The following STK33 variants were observed in gnomAD, a reference collection of about 807,000 sequenced individuals.
STK33 encodes the protein serine/threonine-protein kinase 33.
Under a neutral mutation model 58.0 loss-of-function variants are expected in STK33, and 52 were observed. The ratio of observed to expected loss-of-function variants is 0.90; its 90% CI spans 0.72 to 1.13. The LOEUF is 1.13. STK33 is among the 50% of genes most tolerant of loss of function. The pLI, the probability that STK33 is intolerant of heterozygous loss-of-function variation, is 0.00. For missense variants in STK33, 630 were observed against 604.2 expected (o/e 1.04, Z -0.45); for synonymous variants, 215 against 200.1 (o/e 1.07, Z -0.63).
the STK33 span, among the ~76,000 whole-genome samples, chr11:8,383,031 C>T: frequency 3.3e-5 from 5 of 152,326 alleles, no homozygotes; most frequent in African/African-American, 1.2e-4. Flanking sequence ...TCCTGGTAAA[C>T]TCAAACTAGA....
chr11:8,503,427 G>C (rs546404671), intron 1 of STK33, among the ~76,000 whole-genome samples: 43 of 152,006 alleles, frequency 2.8e-4, no homozygotes, highest in African/African-American at 8.2e-4. Flanking sequence ...GAGTACACAT[G>C]GACACAAAGA....
chr11:8,574,698 C>A (rs147706490), intron 1 of STK33, among the ~76,000 whole-genome samples: 138 of 152,124 alleles, frequency 9.1e-4, no homozygotes, highest in African/African-American at 3.2e-3. Context: ...AACCTAGAAG[C>A]AAAAATTCTT....
chr11:8,406,509 T>C (rs1265712847), intron 15 of STK33, among the ~76,000 whole-genome samples: 2 of 152,206 alleles, frequency 1.3e-5, no homozygotes, highest in Non-Finnish European at 2.9e-5. Flanking sequence ...ATAAACATGG[T>C]ATATCTCTCC....
chr11:8,488,323 C>A (rs1950331552), intron 1 of STK33, among the ~76,000 whole-genome samples: 1 of 152,034 alleles, frequency 6.6e-6, no homozygotes, highest in Non-Finnish European at 1.5e-5. Flanking sequence ...AAAATTAGAT[C>A]TCTGTAGGGG....
At chr11:8,434,744 A>G (rs1385066294) in intron 14 of STK33, among the ~76,000 whole-genome samples, 6 of 152,204 alleles carry the variant, frequency 3.9e-5, no homozygotes, top group South Asian at 2.1e-4. Flanking sequence ...GAGAAATGCC[A>G]TATCAGATCC....
chr11:8,401,486 T>C (rs1453340232), intron 15 of STK33, among the ~76,000 whole-genome samples: 1 of 152,174 alleles, frequency 6.6e-6, no homozygotes, highest in African/African-American at 2.4e-5. Context: ...GATTAAAGAC[T>C]TAAATGTTAA....
intron 1 of STK33, among the ~76,000 whole-genome samples, chr11:8,585,914 G>A (rs1341919498): frequency 6.6e-6 from 1 of 152,080 alleles, no homozygotes; most frequent in South Asian, 2.1e-4. Context: ...TTAGCCAGGT[G>A]TGGTGGCACA....
chr11:8,462,674 A>C (rs1380332253), intron 7 of STK33, among the ~76,000 whole-genome samples: 1 of 152,014 alleles, frequency 6.6e-6, no homozygotes, highest in Non-Finnish European at 1.5e-5. Context: ...ATGTCTCCTA[A>C]CATTTAACAC....
intron 6 of STK33, among the ~76,000 whole-genome samples, chr11:8,472,564 G>A (rs1343103850): frequency 6.6e-6 from 1 of 152,156 alleles, no homozygotes; most frequent in Non-Finnish European, 1.5e-5. Flanking sequence ...TTATATGGGT[G>A]CAATTTGTGG....
At chr11:8,428,688 TA>T (rs143923253) in intron 14 of STK33, among the ~76,000 whole-genome samples, 8,976 of 152,234 alleles carry the variant, frequency 0.059, 448 homozygotes, top group East Asian at 0.27. Flanking sequence ...CTATTAAAAC[TA>T]AAAACAATAC....
chr11:8,425,990 T>C (rs1029532884), intron 14 of STK33, among the ~76,000 whole-genome samples: 1 of 152,112 alleles, frequency 6.6e-6, no homozygotes, highest in Non-Finnish European at 1.5e-5. Flanking sequence ...TACAGGGTGT[T>C]CTTTTAGTTT....
downstream of STK33, among the ~76,000 whole-genome samples, chr11:8,390,940 C>A (rs961295563): frequency 3.9e-5 from 6 of 152,150 alleles, no homozygotes; most frequent in African/African-American, 1.4e-4. Flanking sequence ...ATTTCATTTT[C>A]AAGCCCAGGG....
In STK33 at chr11:8,474,748, G is replaced by T. The variant is rs757754526; in HGVS notation, c.158C>A (p.Ser53Tyr). 6.2e-7 allele frequency: 1 copy of T among 1,612,420 alleles called. No individual in the cohort carries two copies. Among genetic ancestry groups the T allele is most frequent in the Non-Finnish European group, 8.5e-7 (1 of 1,179,488 alleles). ...TTTTTTTCTCTCCAGTGAAATTAAA[G>T]ATTCTGCACTACCAATGCTTGATGT... ...SQTSSIGSAESLISLERKKEK... is the reference protein window; with the variant it reads ...SQTSSIGSAEYLISLERKKEK... Residue 53 changes from serine to tyrosine, a missense_variant, in exon 5 of 16, where the codon TCT becomes TAT. Transcript: ENST00000687296.
chr11:8,472,694 T>G (rs1466839604), intron 6 of STK33, among the ~76,000 whole-genome samples: 2 of 152,254 alleles, frequency 1.3e-5, no homozygotes, highest in African/African-American at 2.4e-5. Flanking sequence ...TTCTAACATT[T>G]AATTCTTATT....
rs560339341 is a variant in STK33 at position 8,405,758 on chromosome 11, T to C, written c.1344+7737A>G. 3.3e-5 allele frequency among the ~76,000 whole-genome samples: 5 copies of C among 152,262 alleles called. No individual in the cohort carries two copies. In the East Asian group the frequency reaches 9.7e-4, roughly 29 times the overall value. ...TTTAGCTAGGGGGTCAAATTTCATCTTCCCTCATATATATCTACTATTGTT... is the reference window on the plus strand; with the variant it reads ...TTTAGCTAGGGGGTCAAATTTCATCCTCCCTCATATATATCTACTATTGTT... On this transcript the variant is annotated intron_variant, in intron 15 of 15. Transcript: ENST00000687296.
At chr11:8,349,137 T>C in the STK33 span, among the ~76,000 whole-genome samples, 9 of 152,216 alleles carry the variant, frequency 5.9e-5, no homozygotes, top group African/African-American at 2.2e-4. Flanking sequence ...CACTTCTAGC[T>C]GTGTGACCTT....
chr11:8,347,306 C>T, the STK33 span, among the ~76,000 whole-genome samples: 1 of 152,214 alleles, frequency 6.6e-6, no homozygotes, highest in African/African-American at 2.4e-5. Context: ...GACCAGCTCC[C>T]GGTGCCCACT....
intron 1 of STK33, among the ~76,000 whole-genome samples, chr11:8,506,240 C>A (rs1378969994): frequency 6.6e-6 from 1 of 152,086 alleles, no homozygotes; most frequent in African/African-American, 2.4e-5. Flanking sequence ...GCTAAGTTAC[C>A]CTTACTAACT....
chr11:8,483,200 T>TA (rs144078919), intron 1 of STK33, among the ~76,000 whole-genome samples: 3,932 of 152,194 alleles, frequency 0.026, 156 homozygotes, highest in African/African-American at 0.082. Flanking sequence ...AGGAATGAGT[T>TA]AGAGTTCACC....
Sources: allele counts gnomAD v4.1 joint callset (sites outside exome capture counted in the v4.1 genomes callset), GRCh38; gene constraint gnomAD v4.1.1; transcripts MANE v1.5; gene names NCBI Gene and HGNC (gene_info 2026-07-23, HGNC 2026-07-21).